Variants in SH3RF3 observed in about 807,000 individuals in gnomAD.
SH3RF3 encodes the protein E3 ubiquitin-protein ligase SH3RF3.
A neutral mutation model predicts 66.3 loss-of-function variants in SH3RF3; 29 were observed. The observed-to-expected ratio is 0.44, with a 90% CI of 0.33 to 0.60. SH3RF3 has a LOEUF of 0.60. SH3RF3 is among the 20% of genes least tolerant of loss of function. The pLI, the probability that SH3RF3 is intolerant of heterozygous loss-of-function variation, is 0.04. For missense variants in SH3RF3, 1,194 were observed against 1,190.9 expected, an observed-to-expected ratio of 1.00 and a Z score of -0.04; for synonymous variants, 583 against 532.0, an observed-to-expected ratio of 1.10 and a Z score of -1.32.
At chr2:109,398,490 G>T in intron 3 of SH3RF3, 100 bp from the exon 4 acceptor site, 1 of 1,062,504 alleles carries the variant, frequency 9.4e-7, no homozygotes, top group Non-Finnish European at 1.3e-6. Context: ...TGAATGCATT[G>T]CCAGTTTGTG....
chr2:109,483,796 G>A (rs1165943943), intron 8 of SH3RF3, among the ~76,000 whole-genome samples: 7 of 152,044 alleles, frequency 4.6e-5, no homozygotes, highest in East Asian at 1.9e-4. Flanking sequence ...GGCTGCAGGC[G>A]CTGGGGTTGC....
chr2:109,218,524 T>A (rs1373417624), intron 1 of SH3RF3, among the ~76,000 whole-genome samples: 1 of 152,184 alleles, frequency 6.6e-6, no homozygotes, highest in East Asian at 1.9e-4. Flanking sequence ...GAAGGGTGTG[T>A]GGTACGGATG....
intron 7 of SH3RF3, among the ~76,000 whole-genome samples, chr2:109,447,169 GA>G (rs1677732709): frequency 1.7e-5 from 2 of 120,748 alleles, no homozygotes; most frequent in African/African-American, 6.5e-5. Flanking sequence ...AAAAAAAAAA[GA>G]AAAGAAAAAG....
intron 1 of SH3RF3, among the ~76,000 whole-genome samples, chr2:109,300,504 A>G (rs1341469757): frequency 6.6e-6 from 1 of 152,140 alleles, no homozygotes; most frequent in Admixed American, 6.5e-5. Context: ...TATACCAGGT[A>G]AGCCCTTGAG....
In SH3RF3 at chr2:109,129,242, G is replaced by T; in HGVS notation, c.-299G>T. The T allele has an allele frequency of 1.8e-6, 1 of 571,288 alleles. No individual in the cohort carries two copies. The highest frequency in any genetic ancestry group is 4.2e-5 in the East Asian group (1 of 23,834). The allele number at this position is 571,288 out of a possible 1,614,324, so 35.4% of individuals were successfully genotyped here. A position where few individuals can be genotyped will look rare whatever the true frequency, so the allele number is the denominator to read the frequency against. On this transcript the variant is annotated 5_prime_UTR_variant, in exon 1 of 10. Coordinates refer to ENST00000309415, the MANE Select transcript of SH3RF3 (RefSeq NM_001099289.3). ...GAGCTTCGTGCCCGGCAGCACCCCCGGTCCCCCGCGCGGGGCGGACTTGCG... is the reference window on the plus strand; with the variant it reads ...GAGCTTCGTGCCCGGCAGCACCCCCTGTCCCCCGCGCGGGGCGGACTTGCG...
intron 5 of SH3RF3, among the ~76,000 whole-genome samples, chr2:109,427,336 G>A (rs144015368): frequency 9.4e-4 from 143 of 152,212 alleles, no homozygotes; most frequent in African/African-American, 3.2e-3. Flanking sequence ...TACTTAATAC[G>A]CTACTGTATA....
intron 9 of SH3RF3, among the ~76,000 whole-genome samples, chr2:109,498,849 C>T (rs146529579): frequency 1.3e-5 from 2 of 152,276 alleles, no homozygotes; most frequent in African/African-American, 4.8e-5. Context: ...AGGGCAGGCC[C>T]GGCGTGGCCA....
rs563250164 is a variant in SH3RF3 at position 109,325,185 on chromosome 2, G to A, written c.574-22489G>A. ...AACTCACTGGTCTTTAATTTTCTGT[G>A]AAGATCAGTGTCTCACTTCATCCCT... On this transcript the variant is annotated intron_variant, in intron 1 of 9. Transcript: ENST00000309415. Among the ~76,000 whole-genome samples, 4 of 152,206 alleles carry A rather than the reference G, an allele frequency of 2.6e-5. No individual in the cohort carries two copies. In the East Asian group the frequency reaches 7.7e-4, roughly 29 times the overall value.
chr2:109,332,543 C>T (rs989999041), intron 1 of SH3RF3, among the ~76,000 whole-genome samples: 17 of 152,270 alleles, frequency 1.1e-4, no homozygotes, highest in Admixed American at 9.1e-4. Context: ...TCTCCTGTCC[C>T]GAGCTCCCCG....
At chr2:109,432,374 C>G (rs1026586161) in intron 5 of SH3RF3, 127 bp from the exon 6 acceptor site, 2 of 1,188,832 alleles carry the variant, frequency 1.7e-6, no homozygotes, top group Admixed American at 2.2e-5. Context: ...ACTGCAGAGC[C>G]CCCATAGACT....
chr2:109,254,284 A>G (rs930059179), intron 1 of SH3RF3, among the ~76,000 whole-genome samples: 10 of 152,236 alleles, frequency 6.6e-5, no homozygotes, highest in African/African-American at 2.4e-4. Context: ...ACGCAGCAGC[A>G]TAGTGGCTTA....
chr2:109,412,243 G>A (rs139705182), intron 4 of SH3RF3, among the ~76,000 whole-genome samples: 3 of 152,348 alleles, frequency 2.0e-5, no homozygotes, highest in African/African-American at 7.2e-5. Context: ...AGTCTCCTTG[G>A]TCTCTCCTGG....
intron 1 of SH3RF3, among the ~76,000 whole-genome samples, chr2:109,180,118 GT>G (rs879424748): frequency 2.5e-3 from 361 of 147,038 alleles, no homozygotes; most frequent in African/African-American, 6.4e-3. Flanking sequence ...CACAGGAGAA[GT>G]TTTTTTTTTT....
intron 1 of SH3RF3, among the ~76,000 whole-genome samples, chr2:109,302,938 A>T (rs1444741778): frequency 6.6e-6 from 1 of 152,036 alleles, no homozygotes; most frequent in East Asian, 1.9e-4. Context: ...GTGCAGTGGC[A>T]TGATCTTAGC....
At chr2:109,429,917 C>T (rs1403579366) in intron 5 of SH3RF3, among the ~76,000 whole-genome samples, 5 of 151,862 alleles carry the variant, frequency 3.3e-5, no homozygotes, top group Non-Finnish European at 7.4e-5. Flanking sequence ...AGTGGCCCAG[C>T]CCCAGTCAGC....
At chr2:109,297,223 G>T (rs1681334641) in intron 1 of SH3RF3, among the ~76,000 whole-genome samples, 2 of 152,020 alleles carry the variant, frequency 1.3e-5, no homozygotes, top group African/African-American at 4.8e-5. Flanking sequence ...GATTCATTCA[G>T]CTGTTTTTCA....
intron 5 of SH3RF3, among the ~76,000 whole-genome samples, chr2:109,420,780 A>G (rs1253598508): frequency 1.3e-5 from 2 of 152,178 alleles, no homozygotes; most frequent in Non-Finnish European, 2.9e-5. Flanking sequence ...AGTATTTTGA[A>G]GAGCAACTTG....
intron 1 of SH3RF3, among the ~76,000 whole-genome samples, chr2:109,197,939 G>A (rs1364992378): frequency 1.3e-5 from 2 of 152,226 alleles, no homozygotes. Context: ...GGGCAGCCTT[G>A]GTTATTTGGC....
At chr2:109,419,834 C>G (rs1241115019) in intron 5 of SH3RF3, among the ~76,000 whole-genome samples, 192 bp downstream of exon 5, 3 of 152,222 alleles carry the variant, frequency 2.0e-5, no homozygotes, top group Admixed American at 1.3e-4. Context: ...CTTCTGATGT[C>G]GTTGTTTCTA....
Sources: allele counts gnomAD v4.1 joint callset (sites outside exome capture counted in the v4.1 genomes callset), GRCh38; gene constraint gnomAD v4.1.1; transcripts MANE v1.5; gene names NCBI Gene and HGNC (gene_info 2026-07-23, HGNC 2026-07-21).